Variants in INTS4 observed in about 807,000 individuals in gnomAD.
INTS4 encodes integrator complex subunit 4.
A neutral mutation model predicts 119.5 loss-of-function variants in INTS4; 70 were observed. The ratio of observed to expected loss-of-function variants is 0.59; its 90% CI spans 0.48 to 0.71. The LOEUF (loss-of-function observed/expected upper bound fraction) is 0.71, where lower values mean the gene tolerates loss of function less well. Ranked by LOEUF, INTS4 falls within the 30% of genes least tolerant of loss-of-function variation. The pLI is 0.00. For synonymous variants in INTS4, 316 were observed against 419.6 expected (o/e 0.75, Z 3.02); for missense variants, 867 against 1,173.2 (o/e 0.74, Z 3.81).
At chr11:77,965,167 ATCC>A (rs545762062) in intron 4 of INTS4, among the ~76,000 whole-genome samples, 4 of 152,068 alleles carry the variant, frequency 2.6e-5, no homozygotes, top group Non-Finnish European at 5.9e-5. Flanking sequence ...GGTTCAAGCA[ATCC>A]TCCTGACTCA....
chr11:77,986,636 A>C (rs1591149472), intron 2 of INTS4, among the ~76,000 whole-genome samples: 2 of 152,190 alleles, frequency 1.3e-5, no homozygotes, highest in African/African-American at 4.8e-5. Flanking sequence ...GCACATATAC[A>C]CCATGGAATA....
chr11:77,916,220 T>C (rs1394080714), intron 15 of INTS4, among the ~76,000 whole-genome samples: 1 of 152,240 alleles, frequency 6.6e-6, no homozygotes, highest in African/African-American at 2.4e-5. Flanking sequence ...TGTTTAACGA[T>C]GGAGATACAT....
At chr11:77,940,698 G>C (rs1953909963) in intron 9 of INTS4, among the ~76,000 whole-genome samples, 1 of 152,086 alleles carries the variant, frequency 6.6e-6, no homozygotes, top group Non-Finnish European at 1.5e-5. Flanking sequence ...GTGCAGTGGT[G>C]CGATCTCGGC....
chr11:77,879,165 A>C (rs1951695644), intron 22 of INTS4, 38 bp from the exon 23 acceptor site: 1 of 1,605,612 alleles, frequency 6.2e-7, no homozygotes, highest in Non-Finnish European at 8.5e-7. Flanking sequence ...ATAACTAGGC[A>C]ACTGCTAGGA....
At chr11:77,876,704 T>C (rs1379057331), downstream of INTS4, among the ~76,000 whole-genome samples, 1 of 152,068 alleles carries the variant, frequency 6.6e-6, no homozygotes, top group Non-Finnish European at 1.5e-5. Context: ...TGTCTACCTT[T>C]GATGGAAGAA....
intron 4 of INTS4, among the ~76,000 whole-genome samples, chr11:77,971,133 C>T (rs1855713560): frequency 6.6e-6 from 1 of 152,098 alleles, no homozygotes; most frequent in Non-Finnish European, 1.5e-5. Context: ...ATGCATTTCC[C>T]TAGTGACAGG....
intron 1 of INTS4, among the ~76,000 whole-genome samples, chr11:77,992,131 C>T (rs888124028): frequency 1.3e-5 from 2 of 152,000 alleles, no homozygotes; most frequent in East Asian, 1.9e-4. Flanking sequence ...GGCATGGTGG[C>T]TCATGCCTGT....
At chr11:77,909,155 TA>T (rs1465752110) in intron 15 of INTS4, among the ~76,000 whole-genome samples, 2 of 152,222 alleles carry the variant, frequency 1.3e-5, no homozygotes, top group East Asian at 1.9e-4. Flanking sequence ...ACTGTAACTC[TA>T]AGGGAAAAAC....
intron 5 of INTS4, among the ~76,000 whole-genome samples, 167 bp from the exon 6 acceptor site, chr11:77,960,558 C>G (rs913586414): frequency 2.0e-5 from 3 of 151,978 alleles, no homozygotes; most frequent in African/African-American, 7.2e-5. Flanking sequence ...TCAATAGGAG[C>G]ATTCAAGCAT....
intron 8 of INTS4, among the ~76,000 whole-genome samples, chr11:77,941,539 T>C (rs1390683843): frequency 2.0e-5 from 3 of 151,216 alleles, no homozygotes; most frequent in Non-Finnish European, 2.9e-5. Context: ...TCTCAGCTCA[T>C]TGCAACCTCT....
At chr11:77,948,165 G>A (rs1367608623) in intron 8 of INTS4, among the ~76,000 whole-genome samples, 1 of 147,228 alleles carries the variant, frequency 6.8e-6, no homozygotes, top group African/African-American at 2.5e-5. Flanking sequence ...AGACTCTGTA[G>A]TAACTATGTA....
At chr11:77,880,323 G>T (rs923809473) in intron 22 of INTS4, among the ~76,000 whole-genome samples, 1 of 152,150 alleles carries the variant, frequency 6.6e-6, no homozygotes, top group African/African-American at 2.4e-5. Flanking sequence ...GTAGAGACTG[G>T]ATTGCTGTCC....
At chr11:77,878,279 T>A (rs201822048), downstream of INTS4, among the ~76,000 whole-genome samples, 1 of 151,820 alleles carries the variant, frequency 6.6e-6, no homozygotes, top group Non-Finnish European at 1.5e-5. Context: ...GGAGAATGGC[T>A]TGAACCCAGG....
chr11:77,920,182 T>TACACATATATATACATATATATAC (rs1565244597), intron 14 of INTS4, among the ~76,000 whole-genome samples: 4 of 98,098 alleles, frequency 4.1e-5, no homozygotes, highest in South Asian at 5.9e-4. Context: ...CATATACATA[T>TACACATATATATACATATATATAC]ACACATATAT....
At chr11:77,991,054 G>A in intron 2 of INTS4, 54 bp downstream of exon 2, 1 of 1,465,106 alleles carries the variant, frequency 6.8e-7, no homozygotes, top group Non-Finnish European at 9.5e-7. Context: ...CCATTCTGCA[G>A]ACATGATACA....
chr11:77,958,858 CTA>C (rs748688129), intron 6 of INTS4, 24 bp from the exon 7 acceptor site: 21 of 1,413,718 alleles, frequency 1.5e-5, no homozygotes, highest in Middle Eastern at 4.8e-4. Context: ...TTCCAAAAGT[CTA>C]TTAGTTCTGT....
rs550140981 is a variant in INTS4, at chr11:77,907,589, A to T, written c.2016+128T>A. On this transcript the variant is annotated intron_variant, in intron 16 of 22. Coordinates refer to ENST00000534064, the MANE Select transcript of INTS4 (RefSeq NM_033547.4). ...CAAATGTAATCACACTGCAGAGTACATATTTCTCCATTGTCAAGTGGTTGC... is the reference window on the plus strand; with the variant it reads ...CAAATGTAATCACACTGCAGAGTACTTATTTCTCCATTGTCAAGTGGTTGC... 2.6e-4 allele frequency: 170 copies of T among 654,620 alleles called. 1 individual carries two copies. The highest frequency in any genetic ancestry group is 1.0e-3 in the South Asian group (54 of 52,516). The allele number at this position is 654,620 out of a possible 1,614,324, so 40.6% of individuals were successfully genotyped here. A position where few individuals can be genotyped will look rare whatever the true frequency, so the allele number is the denominator to read the frequency against.
At chr11:77,955,129 T>C (rs1954286982) in intron 8 of INTS4, among the ~76,000 whole-genome samples, 1 of 152,024 alleles carries the variant, frequency 6.6e-6, no homozygotes, top group Non-Finnish European at 1.5e-5. Flanking sequence ...CACTTGAGCC[T>C]AGGAATTCAA....
At chr11:77,933,489 G>T (rs572464483) in intron 10 of INTS4, among the ~76,000 whole-genome samples, 2 of 152,346 alleles carry the variant, frequency 1.3e-5, no homozygotes, top group East Asian at 3.9e-4. Context: ...GCCTCCTGAG[G>T]TGCTGGGATT....
Sources: gnomAD v4.1 joint callset for allele counts (sites outside exome capture counted in the v4.1 genomes callset) on GRCh38, gnomAD v4.1.1 for gene constraint, MANE v1.5 for transcripts, NCBI Gene and HGNC (gene_info 2026-07-23, HGNC 2026-07-21) for gene names.